Variants in MIR2052HG observed in about 807,000 individuals in gnomAD.
The protein encoded by MIR2052HG is MIR2052 host gene.
chr8:74,711,823 A>T (rs561485787), intron 4 of MIR2052HG, among the ~76,000 whole-genome samples: 1 of 152,356 alleles, frequency 6.6e-6, no homozygotes, highest in East Asian at 1.9e-4. Flanking sequence ...AGGGAAAATT[A>T]TAACCGCAGA....
At chr8:74,670,299 G>A (rs376995238) in intron 2 of MIR2052HG, among the ~76,000 whole-genome samples, 1 of 136,548 alleles carries the variant, frequency 7.3e-6, no homozygotes, top group African/African-American at 3.2e-5. Context: ...TAACTGGCTT[G>A]GTGACTGTTG....
chr8:74,636,388 A>G (rs1808581118), intron 2 of MIR2052HG, among the ~76,000 whole-genome samples: 1 of 152,160 alleles, frequency 6.6e-6, no homozygotes, highest in African/African-American at 2.4e-5. Context: ...CAGTTTTACC[A>G]GCTGGCAGTC....
At chr8:74,678,496 G>A (rs956981735) in intron 2 of MIR2052HG, among the ~76,000 whole-genome samples, 5 of 150,372 alleles carry the variant, frequency 3.3e-5, no homozygotes, top group African/African-American at 1.2e-4. Context: ...TTGGGAGGTG[G>A]AGGTTGCGGT....
chr8:74,717,817 A>C lies in MIR2052HG; in HGVS notation n.371+14135A>C, dbSNP rs563725212. Reference sequence around the variant, plus strand: ...AGTGAGACCCTGTCTCAAAAAAAGAAAAAAAAAAAAGTAATGCTAAACTAT... The same window carrying C: ...AGTGAGACCCTGTCTCAAAAAAAGACAAAAAAAAAAGTAATGCTAAACTAT... On this transcript the variant is annotated intron_variant and non_coding_transcript_variant, in intron 4 of 6. Coordinates refer to ENST00000523442, the Ensembl canonical transcript of MIR2052HG. Among the ~76,000 whole-genome samples, 58 of 149,438 alleles carry C rather than the reference A, an allele frequency of 3.9e-4. 2 individuals are homozygous for C. The South Asian group carries it at 0.01, about 26-fold the overall frequency.
rs1808995458 is a variant in MIR2052HG at position 74,671,803 on chromosome 8, A to C, written n.217-30576A>C. Among the ~76,000 whole-genome samples, 6 of 152,208 alleles carry C rather than the reference A, an allele frequency of 3.9e-5. 1 individual carries two copies. The South Asian group carries it at 1.2e-3, about 32-fold the overall frequency. ...CTTTGTATTTTCAGATCTGCTCACT[A>C]AGGTTGAATTTTATCATTTTCTTGC... is the stretch of plus-strand genomic sequence containing the variant. On this transcript the variant is annotated intron_variant and non_coding_transcript_variant, in intron 2 of 6. Coordinates refer to ENST00000523442, the Ensembl canonical transcript of MIR2052HG.
intron 2 of MIR2052HG, among the ~76,000 whole-genome samples, chr8:74,623,731 C>T (rs543439358): frequency 1.3e-5 from 2 of 152,040 alleles, no homozygotes; most frequent in South Asian, 4.2e-4. Flanking sequence ...GACAAAGATG[C>T]GAAAAGAAAC....
intron 4 of MIR2052HG, among the ~76,000 whole-genome samples, chr8:74,721,968 G>C (rs1166630892): frequency 6.6e-6 from 1 of 152,198 alleles, no homozygotes; most frequent in African/African-American, 2.4e-5. Flanking sequence ...TGAGGCAGGA[G>C]GACTGCTTGA....
At chr8:74,682,086 G>C (rs1809131561) in intron 2 of MIR2052HG, among the ~76,000 whole-genome samples, 1 of 152,142 alleles carries the variant, frequency 6.6e-6, no homozygotes, top group Admixed American at 6.6e-5. Context: ...TAATTTGCTT[G>C]ACTGTGGTGA....
At chr8:74,740,228 C>G (rs1291757200) in intron 4 of MIR2052HG, among the ~76,000 whole-genome samples, 5 of 152,122 alleles carry the variant, frequency 3.3e-5, no homozygotes, top group Non-Finnish European at 7.3e-5. Flanking sequence ...CTTTGAGAGG[C>G]CGAGGCAGGT....
chr8:74,681,695 C>G (rs766700764), intron 2 of MIR2052HG, among the ~76,000 whole-genome samples: 13 of 152,122 alleles, frequency 8.5e-5, no homozygotes, highest in Non-Finnish European at 1.5e-4. Context: ...CCCGTTTGCT[C>G]TCTGTCTTAT....
At chr8:74,645,489 T>C (rs1474519804) in intron 2 of MIR2052HG, among the ~76,000 whole-genome samples, 1 of 152,172 alleles carries the variant, frequency 6.6e-6, no homozygotes, top group Non-Finnish European at 1.5e-5. Flanking sequence ...TTCTCTATGT[T>C]GGTCAGGCTG....
At chr8:74,732,681 C>T (rs977512411) in intron 4 of MIR2052HG, among the ~76,000 whole-genome samples, 8 of 152,100 alleles carry the variant, frequency 5.3e-5, no homozygotes, top group Non-Finnish European at 8.8e-5. Context: ...AGAACTCTCT[C>T]TGAGTAGATG....
At chr8:74,680,390 A>C (rs2128738981) in intron 2 of MIR2052HG, among the ~76,000 whole-genome samples, 1 of 152,250 alleles carries the variant, frequency 6.6e-6, no homozygotes, top group Non-Finnish European at 1.5e-5. Context: ...ACCCCATCAA[A>C]AAGTGGGTGA....
At position 74,621,743 on chromosome 8, in the gene MIR2052HG, G is replaced by A. The variant is rs367577007; in HGVS notation, n.216+8803G>A. Among the ~76,000 whole-genome samples the A allele has an allele frequency of 7.8e-4, 119 of 152,268 alleles. No homozygotes were observed. In the South Asian group the frequency reaches 8.1e-3, roughly 10 times the overall value. ...CACAGAGCCAAACCATGTCACCACC[G>A]GAACAGAATGGAGAGCTCAGATTTT... On this transcript the variant is annotated intron_variant and non_coding_transcript_variant, in intron 2 of 6. Coordinates refer to ENST00000523442, the Ensembl canonical transcript of MIR2052HG.
At chr8:74,647,353 G>A (rs761947016) in intron 2 of MIR2052HG, among the ~76,000 whole-genome samples, 5 of 152,122 alleles carry the variant, frequency 3.3e-5, no homozygotes, top group Non-Finnish European at 5.9e-5. Context: ...TGGAGATGAC[G>A]AAATGGCTCT....
intron 3 of MIR2052HG, chr8:74,702,465 G>A (rs887951069): frequency 1.3e-5 from 6 of 451,506 alleles, no homozygotes; most frequent in Non-Finnish European, 2.2e-5. Flanking sequence ...AGGTAAGTCA[G>A]TTCTTCTGAA....
chr8:74,752,463 A>C (rs989623362), exon 5 of MIR2052HG: 2 of 455,156 alleles, frequency 4.4e-6, no homozygotes, highest in African/African-American at 4.0e-5. Context: ...TCCAGCCACC[A>C]GATCAACACA....
At chr8:74,602,810 C>T (rs1261051857) in intron 1 of MIR2052HG, among the ~76,000 whole-genome samples, 3 of 29,476 alleles carry the variant, frequency 1.0e-4, no homozygotes, top group African/African-American at 4.1e-4. Context: ...CTGCCATGCC[C>T]GGCCGTGTTT....
At chr8:74,604,196 G>A (rs867146614) in intron 1 of MIR2052HG, 3 of 895,636 alleles carry the variant, frequency 3.3e-6, no homozygotes, top group Admixed American at 1.7e-5. Context: ...ATAAGTAGTC[G>A]GATGGTGAGA....
Sources: allele counts gnomAD v4.1 joint callset (sites outside exome capture counted in the v4.1 genomes callset), GRCh38; gene constraint gnomAD v4.1.1; transcripts MANE v1.5; gene names NCBI Gene and HGNC (gene_info 2026-07-23, HGNC 2026-07-21).